Variants in CDH13 observed in about 807,000 individuals in gnomAD.
CDH13 encodes the protein cadherin 13, also known as cadherin-13.
A neutral mutation model predicts 63.8 loss-of-function variants in CDH13; 24 were observed. That is an observed-to-expected ratio of 0.38 (90% confidence interval 0.27 to 0.53). The LOEUF (loss-of-function observed/expected upper bound fraction) is 0.53, where lower values mean the gene tolerates loss of function less well. Ranked by LOEUF, CDH13 falls within the 20% of genes least tolerant of loss-of-function variation. The pLI, the probability that CDH13 is intolerant of heterozygous loss-of-function variation, is 0.85. For missense variants in CDH13, 1,049 were observed against 903.1 expected (o/e 1.16, Z -2.07); for synonymous variants, 503 against 355.3 (o/e 1.42, Z -4.67).
intron 1 of CDH13, among the ~76,000 whole-genome samples, chr16:82,756,633 C>T (rs541434892): frequency 1.3e-5 from 2 of 152,248 alleles, no homozygotes; most frequent in South Asian, 2.1e-4. Flanking sequence ...CAGGGAGTAA[C>T]AGGTCAGTGA....
At chr16:82,814,964 G>A (rs2037529100) in intron 1 of CDH13, among the ~76,000 whole-genome samples, 1 of 152,084 alleles carries the variant, frequency 6.6e-6, no homozygotes, top group Non-Finnish European at 1.5e-5. Flanking sequence ...ACTCATACTT[G>A]GTGTCAAAAC....
At chr16:83,652,199 T>G (rs913339735) in intron 8 of CDH13, among the ~76,000 whole-genome samples, 1 of 152,252 alleles carries the variant, frequency 6.6e-6, no homozygotes, top group African/African-American at 2.4e-5. Context: ...AGAATGGATT[T>G]AGAGCAGTTT....
chr16:83,164,094 C>G (rs2037560080), intron 4 of CDH13, among the ~76,000 whole-genome samples: 1 of 151,998 alleles, frequency 6.6e-6, no homozygotes, highest in Non-Finnish European at 1.5e-5. Flanking sequence ...AAAATGAAAA[C>G]CCAGCAGCCT....
chr16:82,923,053 T>C (rs2042203478), intron 2 of CDH13, among the ~76,000 whole-genome samples: 1 of 152,134 alleles, frequency 6.6e-6, no homozygotes, highest in African/African-American at 2.4e-5. Flanking sequence ...GAACATTTTA[T>C]TGCAAAAAAA....
intron 7 of CDH13, among the ~76,000 whole-genome samples, chr16:83,514,885 A>G (rs1317448387): frequency 1.3e-5 from 2 of 152,164 alleles, no homozygotes; most frequent in Non-Finnish European, 1.5e-5. Context: ...CAGGACTATT[A>G]GAGTAAATTT....
chr16:82,686,610 G>A (rs1489208020), intron 1 of CDH13, among the ~76,000 whole-genome samples: 3 of 152,168 alleles, frequency 2.0e-5, no homozygotes, highest in African/African-American at 7.2e-5. Context: ...CGGTTTTTCA[G>A]CTCTAAAAAT....
In CDH13 at chr16:82,856,586, C is replaced by G. The variant is rs138113658; in HGVS notation, c.46-1776C>G. 9.4e-3 allele frequency among the ~76,000 whole-genome samples: 1,368 copies of G among 145,436 alleles called. 24 individuals are homozygous for G. Among genetic ancestry groups the G allele is most frequent in the African/African-American group, 0.033 (1,292 of 39,350 alleles). On this transcript the variant is annotated intron_variant, in intron 1 of 13. Transcript: ENST00000567109. ...GCTTGGTGACGAGTGCCTGTAGTCT[C>G]AGCTACTTGGGAGGCTGAGGTGGGA... is the stretch of plus-strand genomic sequence containing the variant.
At chr16:83,116,331 A>G (rs1020739970) in intron 3 of CDH13, among the ~76,000 whole-genome samples, 1 of 152,136 alleles carries the variant, frequency 6.6e-6, no homozygotes, top group African/African-American at 2.4e-5. Flanking sequence ...GGGGCGGGGA[A>G]GGAGGCTGAT....
At chr16:83,046,320 A>G (rs1277351461) in intron 3 of CDH13, among the ~76,000 whole-genome samples, 1 of 152,208 alleles carries the variant, frequency 6.6e-6, no homozygotes, top group Non-Finnish European at 1.5e-5. Flanking sequence ...CAAAAAACAA[A>G]TATTGTATGT....
intron 6 of CDH13, among the ~76,000 whole-genome samples, chr16:83,448,775 A>C (rs2072788393): frequency 6.6e-6 from 1 of 152,090 alleles, no homozygotes; most frequent in African/African-American, 2.4e-5. Context: ...GAGGAGTGAA[A>C]GGAATAGAAA....
At chr16:83,656,664 T>G (rs1354572615) in intron 8 of CDH13, among the ~76,000 whole-genome samples, 1 of 152,224 alleles carries the variant, frequency 6.6e-6, no homozygotes, top group Non-Finnish European at 1.5e-5. Flanking sequence ...TCAAGGCTCC[T>G]GAGCCATTTC....
intron 1 of CDH13, among the ~76,000 whole-genome samples, chr16:82,747,498 G>A (rs1393483733): frequency 6.6e-6 from 1 of 152,188 alleles, no homozygotes; most frequent in Non-Finnish European, 1.5e-5. Flanking sequence ...TATGGTCCCT[G>A]GACCAGCAGC....
intron 4 of CDH13, among the ~76,000 whole-genome samples, chr16:83,201,971 G>A (rs2039045612): frequency 6.6e-6 from 1 of 152,112 alleles, no homozygotes; most frequent in Non-Finnish European, 1.5e-5. Flanking sequence ...CAGCTGTAGG[G>A]TGGTGTCACC....
At chr16:82,963,724 A>G (rs1207079819) in intron 2 of CDH13, among the ~76,000 whole-genome samples, 1 of 152,188 alleles carries the variant, frequency 6.6e-6, no homozygotes, top group Non-Finnish European at 1.5e-5. Flanking sequence ...TACAGTAAGC[A>G]GTCCATAAAG....
At chr16:83,758,431 A>C (rs1214868313) in intron 11 of CDH13, among the ~76,000 whole-genome samples, 1 of 152,102 alleles carries the variant, frequency 6.6e-6, no homozygotes, top group African/African-American at 2.4e-5. Context: ...AATGTTTAGC[A>C]AACTAGGAAA....
chr16:82,828,646 TTGTGTG>T (rs60031294), intron 1 of CDH13, among the ~76,000 whole-genome samples: 9 of 142,654 alleles, frequency 6.3e-5, no homozygotes, highest in African/African-American at 2.1e-4. Context: ...ATAGATGTGT[TTGTGTG>T]TGTGTGTGTG....
At chr16:83,089,211 G>T (rs1037898901) in intron 3 of CDH13, among the ~76,000 whole-genome samples, 5 of 152,292 alleles carry the variant, frequency 3.3e-5, no homozygotes, top group Middle Eastern at 3.4e-3. Flanking sequence ...GGTAGTGAAT[G>T]GCAGAACCAA....
chr16:83,548,510 G>A (rs1238531672), intron 7 of CDH13, among the ~76,000 whole-genome samples: 2 of 152,212 alleles, frequency 1.3e-5, no homozygotes, highest in Admixed American at 6.5e-5. Context: ...CATCAGAGAT[G>A]CAGTGTCAGA....
At chr16:83,596,827 A>T (rs1907305487) in intron 7 of CDH13, among the ~76,000 whole-genome samples, 1 of 152,094 alleles carries the variant, frequency 6.6e-6, no homozygotes, top group Non-Finnish European at 1.5e-5. Context: ...GGTTTTGGGG[A>T]TTTTGTTACT....
Sources: allele counts gnomAD v4.1 joint callset (sites outside exome capture counted in the v4.1 genomes callset), GRCh38; gene constraint gnomAD v4.1.1; transcripts MANE v1.5; gene names NCBI Gene and HGNC (gene_info 2026-07-23, HGNC 2026-07-21).